The following CAMK1D variants were observed in gnomAD, a reference collection of about 807,000 sequenced individuals.
CAMK1D encodes the protein calcium/calmodulin dependent protein kinase ID, also known as calcium/calmodulin-dependent protein kinase type 1D.
A neutral mutation model predicts 47.7 loss-of-function variants in CAMK1D; 9 were observed. The observed-to-expected ratio is 0.19, with a 90% CI of 0.11 to 0.33. CAMK1D has a LOEUF of 0.33. Among genes scored for constraint, CAMK1D ranks in the 10% least tolerant of loss-of-function variants. The pLI is 1.00. For missense variants in CAMK1D, 291 were observed against 488.7 expected (o/e 0.60, Z 3.81); for synonymous variants, 184 against 184.9 (o/e 0.99, Z 0.04).
chr10:12,797,135 T>C (rs986119671), intron 6 of CAMK1D, among the ~76,000 whole-genome samples: 2 of 151,612 alleles, frequency 1.3e-5, no homozygotes, highest in Non-Finnish European at 1.5e-5. Flanking sequence ...ACCTTCTCCA[T>C]AGAAGGATGA....
chr10:12,468,715 G>C (rs973189022), intron 1 of CAMK1D, among the ~76,000 whole-genome samples: 5 of 152,168 alleles, frequency 3.3e-5, no homozygotes, highest in African/African-American at 7.2e-5. Flanking sequence ...TGTGATGGGC[G>C]GACGTGGAGT....
At chr10:12,401,224 ATTATATATATATT>A (rs1839194667) in intron 1 of CAMK1D, among the ~76,000 whole-genome samples, 1 of 40,360 alleles carries the variant, frequency 2.5e-5, no homozygotes, top group South Asian at 6.3e-4. Flanking sequence ...TATTATATAT[ATTATATATATATT>A]TTATATATAT....
chr10:12,593,699 A>G (rs1170037425), intron 2 of CAMK1D, among the ~76,000 whole-genome samples: 1 of 152,200 alleles, frequency 6.6e-6, no homozygotes, highest in African/African-American at 2.4e-5. Context: ...TTTAATTAAT[A>G]AATTGTGAAT....
intron 1 of CAMK1D, among the ~76,000 whole-genome samples, chr10:12,390,842 C>T (rs1009416397): frequency 6.6e-6 from 1 of 152,128 alleles, no homozygotes; most frequent in Non-Finnish European, 1.5e-5. Context: ...GCTGTCCCCA[C>T]GGAGCCATCC....
intron 3 of CAMK1D, among the ~76,000 whole-genome samples, chr10:12,672,960 G>A (rs1345993295): frequency 3.0e-5 from 4 of 134,994 alleles, no homozygotes; most frequent in Non-Finnish European, 4.6e-5. Flanking sequence ...GCAGTGGCAC[G>A]ATATTGGCTC....
intron 3 of CAMK1D, among the ~76,000 whole-genome samples, chr10:12,676,702 GAT>G (rs977590854): frequency 6.6e-6 from 1 of 152,116 alleles, no homozygotes; most frequent in Admixed American, 6.5e-5. Context: ...AGCCTAATAT[GAT>G]ACACTGATAG....
chr10:12,591,997 T>C (rs1229905415), intron 2 of CAMK1D, among the ~76,000 whole-genome samples: 1 of 152,208 alleles, frequency 6.6e-6, no homozygotes, highest in East Asian at 1.9e-4. Context: ...CAGCTGTTTT[T>C]GTTTTCTGTT....
intron 2 of CAMK1D, among the ~76,000 whole-genome samples, chr10:12,588,902 GTGTA>G (rs1564430519): frequency 2.8e-4 from 40 of 140,840 alleles, no homozygotes; most frequent in African/African-American, 1.2e-3. Flanking sequence ...GTGTGTGTGT[GTGTA>G]TATATAACAT....
rs1832698330 is a variant in CAMK1D, at chr10:12,438,587, T to C, written c.92+88677T>C. Among the ~76,000 whole-genome samples the C allele has an allele frequency of 1.3e-5, 2 of 152,180 alleles. 1 individual carries two copies. Among genetic ancestry groups the C allele is most frequent in the South Asian group, 4.1e-4 (2 of 4,834 alleles). On this transcript the variant is annotated intron_variant, in intron 1 of 10. Transcript: ENST00000619168. ...TGTCTTTACTGGGGCCATTTTTACATGTTGTTTCACTGGTTTGGGAATGAA... is the reference window on the plus strand; with the variant it reads ...TGTCTTTACTGGGGCCATTTTTACACGTTGTTTCACTGGTTTGGGAATGAA...
chr10:12,462,072 C>G (rs939562884), intron 1 of CAMK1D, among the ~76,000 whole-genome samples: 4 of 151,050 alleles, frequency 2.6e-5, no homozygotes, highest in South Asian at 4.2e-4. Context: ...TGTGTTCTGT[C>G]GAAGTCCAAA....
At chr10:12,649,239 A>G (rs973177818) in intron 2 of CAMK1D, among the ~76,000 whole-genome samples, 1 of 152,252 alleles carries the variant, frequency 6.6e-6, no homozygotes, top group East Asian at 1.9e-4. Context: ...GTTTACACAG[A>G]AAGTTCATTA....
rs931529649 is a variant in CAMK1D at position 12,831,801 on chromosome 10, C to G, written c.*2914C>G. ...TCAGAGAAAGAGAGGCGCTCTTGTG[C>G]TTTTGAGAGAGCTCTCATGTTAAAA... On this transcript the variant is annotated 3_prime_UTR_variant, in exon 11 of 11. Coordinates refer to ENST00000619168, the MANE Select transcript of CAMK1D (RefSeq NM_153498.4). 1 of 152,222 alleles carries G rather than the reference C, an allele frequency of 6.6e-6. No homozygotes were observed. The highest frequency in any genetic ancestry group is 6.5e-5 in the Admixed American group (1 of 15,280). The allele number at this position is 152,222 out of a possible 1,614,324, so 9.4% of individuals were successfully genotyped here. A position where few individuals can be genotyped will look rare whatever the true frequency, so the allele number is the denominator to read the frequency against.
At chr10:12,794,553 A>G (rs1929389) in intron 6 of CAMK1D, among the ~76,000 whole-genome samples, 80,340 of 151,892 alleles carry the variant, frequency 0.53, 22,583 homozygotes, top group African/African-American at 0.73. Context: ...CAGGGTTCAA[A>G]TGTAGTATTA....
intron 1 of CAMK1D, among the ~76,000 whole-genome samples, chr10:12,405,125 G>T (rs1839372323): frequency 6.6e-6 from 1 of 152,162 alleles, no homozygotes; most frequent in South Asian, 2.1e-4. Context: ...ACCAAATGTG[G>T]TTTAGCCTGA....
In CAMK1D at chr10:12,768,892, C is replaced by G. The variant is rs142571906; in HGVS notation, c.439-781C>G. On this transcript the variant is annotated intron_variant, in intron 4 of 10. Transcript: ENST00000619168. ...GATACTTCACTGGTTCCCATGCCAA[C>G]CCCAGGACTGCTACTCTCAGCCCCT... Among the ~76,000 whole-genome samples, 219 of 152,288 alleles carry G rather than the reference C, an allele frequency of 1.4e-3. 1 individual carries two copies. The highest frequency in any genetic ancestry group is 2.7e-3 in the Non-Finnish European group (182 of 68,032).
At chr10:12,738,001 A>G (rs1835259359) in intron 3 of CAMK1D, among the ~76,000 whole-genome samples, 1 of 152,218 alleles carries the variant, frequency 6.6e-6, no homozygotes, top group African/African-American at 2.4e-5. Context: ...ATCAAAAATT[A>G]AATCACAAGG....
chr10:12,709,819 A>G (rs1588833077), intron 3 of CAMK1D, among the ~76,000 whole-genome samples: 1 of 152,168 alleles, frequency 6.6e-6, no homozygotes, highest in Non-Finnish European at 1.5e-5. Flanking sequence ...CTTTTTTATT[A>G]TGTGGTAGCT....
At chr10:12,510,489 G>A (rs1166620730) in intron 1 of CAMK1D, among the ~76,000 whole-genome samples, 1 of 152,208 alleles carries the variant, frequency 6.6e-6, no homozygotes, top group African/African-American at 2.4e-5. Flanking sequence ...TAAAGATCTT[G>A]TTTAATCATT....
intron 3 of CAMK1D, among the ~76,000 whole-genome samples, chr10:12,743,308 C>T (rs1194422320): frequency 1.3e-5 from 2 of 149,074 alleles, no homozygotes; most frequent in African/African-American, 5.0e-5. Flanking sequence ...GATTGTGCCA[C>T]CGTCCTCCAG....
Sources: gnomAD v4.1 joint callset for allele counts (sites outside exome capture counted in the v4.1 genomes callset) on GRCh38, gnomAD v4.1.1 for gene constraint, MANE v1.5 for transcripts, NCBI Gene and HGNC (gene_info 2026-07-23, HGNC 2026-07-21) for gene names.